Variants in CLCN2 observed in about 807,000 individuals in gnomAD.
CLCN2 encodes the protein chloride channel protein 2.
A neutral mutation model predicts 108.3 loss-of-function variants in CLCN2; 72 were observed. The ratio of observed to expected loss-of-function variants is 0.66; its 90% CI spans 0.55 to 0.81. The LOEUF (loss-of-function observed/expected upper bound fraction) is 0.81. Ranked by LOEUF, CLCN2 falls within the 30% of genes least tolerant of loss-of-function variation. The probability of loss-of-function intolerance (pLI) is 0.00; values close to 1 mark genes in which losing one functional copy is unlikely to be tolerated. For missense variants in CLCN2, 1,048 were observed against 1,205.2 expected (o/e 0.87, Z 1.93); for synonymous variants, 471 against 467.1 (o/e 1.01, Z -0.11).
rs115415501 is a variant in CLCN2 at position 184,349,881 on chromosome 3, G to A, written c.2415+2132C>T. On this transcript the variant is annotated intron_variant, in intron 22 of 23. Transcript: ENST00000265593. ...CTCTGGCCTTTACCATTGCTTCTCC[G>A]TGGGTGGCCTCTGAATGAATTACTT... Among the ~76,000 whole-genome samples, 879 of 152,284 alleles carry A rather than the reference G, an allele frequency of 5.8e-3. 3 individuals carry two copies. Among genetic ancestry groups the A allele is most frequent in the Middle Eastern group, 0.027 (8 of 294 alleles).
intron 16 of CLCN2, 106 bp from the exon 17 acceptor site, chr3:184,353,528 A>T: frequency 6.5e-7 from 1 of 1,542,634 alleles, no homozygotes; most frequent in Non-Finnish European, 8.8e-7. Flanking sequence ...CACACACCAG[A>T]GGGAAGCCCC....
intron 10 of CLCN2, chr3:184,356,676 A>G (rs1340703683): frequency 5.4e-6 from 2 of 369,602 alleles, no homozygotes; most frequent in Non-Finnish European, 1.0e-5. Context: ...ATCTATCCCC[A>G]TGGGTCATGG....
rs375351863 is a variant in CLCN2, at chr3:184,353,140, G to A, written c.2036C>T (p.Thr679Ile). The change falls in exon 18 of 24, where the codon ACA (threonine) becomes ATA (isoleucine). Residue 679 changes from threonine to isoleucine, a missense_variant. Physicochemically the swap from Thr to Ile is moderately conservative, Grantham distance 89. Coordinates refer to ENST00000265593, the MANE Select transcript of CLCN2 (RefSeq NM_004366.6). ...GGCTGCTGGGAAGGCTGAGTCTTCT[G>A]TGTTCACCTGCATAGGCAGGAAGGG... ...PEASVCFQVN[T>I]EDSAFPAARG... The A allele has an allele frequency of 3.7e-6, 6 of 1,614,038 alleles. No individual in the cohort carries two copies. The African/African-American group carries it at 6.7e-5, about 18-fold the overall frequency.
In CLCN2 at chr3:184,359,214, C is replaced by T. The variant is rs546548532; in HGVS notation, c.64-83G>A. 238 of 1,513,484 alleles carry T rather than the reference C, an allele frequency of 1.6e-4. 1 individual carries two copies. The East Asian group carries it at 5.0e-3, about 32-fold the overall frequency. The allele number at this position is 1,513,484 out of a possible 1,614,324, so 93.8% of individuals were successfully genotyped here. On this transcript the variant is annotated intron_variant, in intron 1 of 23. Coordinates refer to ENST00000265593, the MANE Select transcript of CLCN2 (RefSeq NM_004366.6). ...GAGAGTTCTTAGAGCCTCCACTCCT[C>T]TTCTCCCAGCCCCCACACTGGATAT...
rs9820367 is a variant in CLCN2, at chr3:184,353,275, G to C, written c.2003C>G (p.Thr668Ser). 844,954 of 1,613,082 alleles carry C rather than the reference G, an allele frequency of 0.52. 229,465 individuals carry two copies. The highest frequency in any genetic ancestry group is 0.68 in the African/African-American group (51,117 of 74,996). ...CTGGAAGCAGACAGAAGCCTCAGGG[G>C]TAGGGGGACCCTCCTGATCAGATAG... ...SPLSDQEGPP[T>S]PEASVCFQVN... is the part of the protein sequence containing the mutation. The change falls in exon 17 of 24, where the codon ACC (threonine) becomes AGC (serine). Residue 668 changes from threonine (T) to serine (S), a missense_variant. Coordinates refer to ENST00000265593, the MANE Select transcript of CLCN2 (RefSeq NM_004366.6).
chr3:184,357,114 C>T lies in CLCN2; in HGVS notation c.984-20G>A, dbSNP rs2108570977. 1 of 1,611,600 alleles carries T rather than the reference C, an allele frequency of 6.2e-7. No individual in the cohort carries two copies. The highest frequency in any genetic ancestry group is 1.1e-5 in the South Asian group (1 of 90,802). On this transcript the variant is annotated intron_variant, in intron 9 of 23. Coordinates refer to ENST00000265593, the MANE Select transcript of CLCN2 (RefSeq NM_004366.6). The stretch of plus-strand genomic sequence containing the variant: ...GCAATACTGGAAAGGGAAGAGGCAC[C>T]TGAGTGAAAAGGAGCCTTCTAGAAA...
intron 1 of CLCN2, among the ~76,000 whole-genome samples, chr3:184,359,989 G>A (rs1251871438): frequency 6.6e-6 from 1 of 151,536 alleles, no homozygotes; most frequent in African/African-American, 2.4e-5. Flanking sequence ...GCTGGGATGG[G>A]GGGGAGGGAG....
chr3:184,356,810 G>A, intron 10 of CLCN2, 183 bp downstream of exon 10: 1 of 628,210 alleles, frequency 1.6e-6, no homozygotes, highest in East Asian at 2.8e-5. Context: ...ACTTAAAAAT[G>A]CCAATTTTCA....
chr3:184,357,752 C>A, intron 6 of CLCN2, 27 bp downstream of exon 6: 1 of 1,613,978 alleles, frequency 6.2e-7, no homozygotes, highest in Non-Finnish European at 8.5e-7. Context: ...AGCCTCTGCC[C>A]CCTACTTGCC....
At chr3:184,351,917 T>C (rs1178188720) in intron 22 of CLCN2, 96 bp downstream of exon 22, 12 of 891,252 alleles carry the variant, frequency 1.3e-5, no homozygotes, top group Non-Finnish European at 2.3e-5. Context: ...TCCTCCCTCC[T>C]TCCCCACTGG....
chr3:184,352,083 G>C lies in CLCN2; in HGVS notation c.2345C>G (p.Pro782Arg). 1.2e-6 allele frequency: 2 copies of C among 1,613,966 alleles called. No individual in the cohort carries two copies. The highest frequency in any genetic ancestry group is 1.7e-6 in the Non-Finnish European group (2 of 1,179,954). ...AATTTTGCAGTCACTGAAGTTGACA[G>C]GTTCATCTAGTTGCTGCTCCTCCCA... ...LEWEEQQLDE[P>R]VNFSDCKIDP... The change falls in exon 22 of 24, where the codon CCT (proline) becomes CGT (arginine). Residue 782 changes from proline to arginine, a missense_variant. Transcript: ENST00000265593.
chr3:184,352,513 G>A lies in CLCN2; in HGVS notation c.2218-17C>T. Reference sequence around the variant, plus strand: ...TTCCAACTTCTTCAGTTTTGTTAGAGCCAAACCAGAAAGATGAGGAGTTGA... The same window carrying A: ...TTCCAACTTCTTCAGTTTTGTTAGAACCAAACCAGAAAGATGAGGAGTTGA... On this transcript the variant is annotated splice_polypyrimidine_tract_variant and intron_variant, in intron 19 of 23. Transcript: ENST00000265593. 2.5e-6 allele frequency: 4 copies of A among 1,611,806 alleles called. No homozygotes were observed. In the South Asian group the frequency reaches 3.3e-5, roughly 13 times the overall value.
At chr3:184,356,938 A>T in intron 10 of CLCN2, 55 bp downstream of exon 10, 2 of 1,246,328 alleles carry the variant, frequency 1.6e-6, no homozygotes, top group Non-Finnish European at 2.4e-6. Context: ...CCCCTGACCT[A>T]CTGTGGCCCT....
chr3:184,357,932 G>T lies in CLCN2; in HGVS notation c.615+30C>A, dbSNP rs199549129. On this transcript the variant is annotated intron_variant, in intron 5 of 23. Transcript: ENST00000265593. ...GCCTGGCCTCCTCTTCCACCAGGAG[G>T]GACTCCTTCATTCCCCAGCCTGCAG... 1.9e-6 allele frequency: 3 copies of T among 1,613,774 alleles called. No individual in the cohort carries two copies. The African/African-American group carries it at 4.0e-5, about 21-fold the overall frequency.
intron 21 of CLCN2, 54 bp downstream of exon 21, chr3:184,352,236 CATG>C: frequency 5.6e-6 from 9 of 1,611,888 alleles, no homozygotes; most frequent in Admixed American, 1.7e-5. Context: ...CAGCAGCCAA[CATG>C]ATGATTGAAC....
In CLCN2 at chr3:184,353,688, C is replaced by T. The variant is rs200403170; in HGVS notation, c.1829G>A (p.Arg610Gln). ...LRLALHRTKG[R>Q]MLALVESPES... ...AGGGGACTCCACTAGGGCCAGCATTCGGCCCTTGGTCCTGTGCAGTGCCAA... is the reference window on the plus strand; with the variant it reads ...AGGGGACTCCACTAGGGCCAGCATTTGGCCCTTGGTCCTGTGCAGTGCCAA... The change falls in exon 16 of 24, where the codon CGA (arginine) becomes CAA (glutamine). Residue 610 changes from arginine (R) to glutamine (Q), a missense_variant. Physicochemically the swap from Arg to Gln is conservative, Grantham distance 43. Coordinates refer to ENST00000265593, the MANE Select transcript of CLCN2 (RefSeq NM_004366.6). The T allele has an allele frequency of 5.1e-5, 83 of 1,611,768 alleles. No individual in the cohort carries two copies. Among genetic ancestry groups the T allele is most frequent in the African/African-American group, 6.7e-5 (5 of 74,942 alleles).
At chr3:184,354,371 C>A in intron 14 of CLCN2, 57 bp from the exon 15 acceptor site, 1 of 1,560,636 alleles carries the variant, frequency 6.4e-7, no homozygotes, top group Non-Finnish European at 8.8e-7. Flanking sequence ...AGACCCTCCA[C>A]AACCAGGGCA....
intron 22 of CLCN2, among the ~76,000 whole-genome samples, chr3:184,351,747 G>A (rs962680039): frequency 6.6e-6 from 1 of 152,196 alleles, no homozygotes; most frequent in Non-Finnish European, 1.5e-5. Context: ...CTCAATCCCT[G>A]TCTTTGTTGC....
In CLCN2 at chr3:184,355,573, A is replaced by T. The variant is rs1560261758; in HGVS notation, c.1171-44T>A. The T allele has an allele frequency of 1.6e-5, 26 of 1,612,844 alleles. No homozygotes were observed. The Middle Eastern group carries it at 5.0e-4, about 31-fold the overall frequency. On this transcript the variant is annotated intron_variant, in intron 11 of 23. Coordinates refer to ENST00000265593, the MANE Select transcript of CLCN2 (RefSeq NM_004366.6). This position sits in a 1 kb window ranked among gnomAD's most constrained non-coding sequence, Gnocchi z 6.3. ...CTCAGGCTGGGAAACCGACAGGATG[A>T]AGGGAAGAGGCCATGGGATCCCACG...
Sources: gnomAD v4.1 joint callset for allele counts (sites outside exome capture counted in the v4.1 genomes callset) on GRCh38, gnomAD v4.1.1 for gene constraint, Gnocchi (gnomAD v3.1) non-coding constraint, MANE v1.5 for transcripts, NCBI Gene and HGNC (gene_info 2026-07-23, HGNC 2026-07-21) for gene names.